Variants in ARHGAP15 observed in about 807,000 individuals in gnomAD.
ARHGAP15 encodes the protein Rho GTPase activating protein 15.
A neutral mutation model predicts 63.7 loss-of-function variants in ARHGAP15; 51 were observed. The ratio of observed to expected loss-of-function variants is 0.80; its 90% CI spans 0.64 to 1.01. The LOEUF (loss-of-function observed/expected upper bound fraction) is 1.01, where lower values mean the gene tolerates loss of function less well. Among genes scored for constraint, ARHGAP15 ranks in the 50% least tolerant of loss-of-function variants. The pLI is 0.00. For synonymous variants in ARHGAP15, 191 were observed against 193.8 expected (o/e 0.99, Z 0.12); for missense variants, 560 against 564.6 (o/e 0.99, Z 0.08).
At chr2:143,207,427 C>A (rs915312475) in intron 3 of ARHGAP15, among the ~76,000 whole-genome samples, 1 of 151,554 alleles carries the variant, frequency 6.6e-6, no homozygotes, top group Admixed American at 6.6e-5. Flanking sequence ...GCTGCATACC[C>A]GAATATTTTT....
intron 6 of ARHGAP15, among the ~76,000 whole-genome samples, chr2:143,358,391 T>C (rs1354369627): frequency 1.3e-5 from 2 of 152,050 alleles, no homozygotes; most frequent in Non-Finnish European, 2.9e-5. Context: ...AAGACATGAT[T>C]GAAAATGTGT....
intron 8 of ARHGAP15, among the ~76,000 whole-genome samples, chr2:143,439,258 A>G (rs1689754771): frequency 6.6e-6 from 1 of 151,810 alleles, no homozygotes; most frequent in South Asian, 2.1e-4. Flanking sequence ...CCCTGTCTCT[A>G]CTAAAAATAC....
chr2:143,416,820 CACCCCCCCACCCCCACGCCCCCA>C (rs1688703543), intron 6 of ARHGAP15, among the ~76,000 whole-genome samples: 1 of 50,264 alleles, frequency 2.0e-5, no homozygotes, highest in African/African-American at 7.0e-5. Context: ...CTTCCCCCAC[CACCCCCCCACCCCCACGCCCCCA>C]CGCCCCCACG....
chr2:143,585,589 T>C (rs1332913628), intron 11 of ARHGAP15, among the ~76,000 whole-genome samples: 1 of 152,136 alleles, frequency 6.6e-6, no homozygotes. Flanking sequence ...GAAAAAGAAA[T>C]TAAATGAACT....
chr2:143,187,391 G>T (rs932905662), intron 2 of ARHGAP15, among the ~76,000 whole-genome samples: 10 of 152,196 alleles, frequency 6.6e-5, no homozygotes, highest in Admixed American at 5.9e-4. Flanking sequence ...CTTAAGAGCA[G>T]AAGGGTATGG....
At chr2:143,562,764 G>A (rs547565671) in intron 11 of ARHGAP15, among the ~76,000 whole-genome samples, 2 of 152,254 alleles carry the variant, frequency 1.3e-5, no homozygotes, top group South Asian at 4.2e-4. Context: ...AGCATGTATT[G>A]TTTTCTAGCT....
At chr2:143,398,011 T>C (rs1286295741) in intron 6 of ARHGAP15, among the ~76,000 whole-genome samples, 1 of 152,132 alleles carries the variant, frequency 6.6e-6, no homozygotes, top group East Asian at 1.9e-4. Flanking sequence ...CTTTCTGCTT[T>C]TACTGAACTC....
At chr2:143,215,314 C>A (rs1692712932) in intron 3 of ARHGAP15, among the ~76,000 whole-genome samples, 1 of 152,100 alleles carries the variant, frequency 6.6e-6, no homozygotes, top group Non-Finnish European at 1.5e-5. Context: ...CTATTCTGCC[C>A]AGGCTGGTGT....
At chr2:143,579,284 C>T (rs187337494) in intron 11 of ARHGAP15, among the ~76,000 whole-genome samples, 54 of 152,246 alleles carry the variant, frequency 3.5e-4, no homozygotes, top group Admixed American at 8.5e-4. Flanking sequence ...TGTAAAGTTG[C>T]GATTAGTATT....
chr2:143,623,984 A>AG, intron 11 of ARHGAP15, 149 bp from the exon 12 acceptor site: 1 of 816,882 alleles, frequency 1.2e-6, no homozygotes, highest in South Asian at 2.3e-5. Context: ...GGAAAGAGGG[A>AG]GGAAAAAAAA....
intron 6 of ARHGAP15, among the ~76,000 whole-genome samples, chr2:143,263,941 T>G (rs1449479955): frequency 7.9e-6 from 1 of 126,526 alleles, no homozygotes; most frequent in Non-Finnish European, 1.6e-5. Context: ...TTTTTTTTTT[T>G]TTGTGCTCAC....
chr2:143,563,699 T>C (rs1395915707), intron 11 of ARHGAP15, among the ~76,000 whole-genome samples: 7 of 152,198 alleles, frequency 4.6e-5, no homozygotes, highest in Non-Finnish European at 1.0e-4. Context: ...CAAAATTCCA[T>C]CATGATCATC....
intron 12 of ARHGAP15, among the ~76,000 whole-genome samples, chr2:143,667,998 T>C (rs1418727539): frequency 6.6e-6 from 1 of 151,562 alleles, no homozygotes; most frequent in Non-Finnish European, 1.5e-5. Flanking sequence ...AAAAAATACA[T>C]ATATAAAAAT....
intron 2 of ARHGAP15, among the ~76,000 whole-genome samples, chr2:143,196,840 A>G (rs767741951): frequency 8.6e-5 from 13 of 151,974 alleles, no homozygotes; most frequent in Non-Finnish European, 1.5e-4. Flanking sequence ...ACATGCATAA[A>G]CATAATACAT....
At chr2:143,295,683 C>T (rs1000035401) in intron 6 of ARHGAP15, 1 of 151,932 alleles carries the variant, frequency 6.6e-6, no homozygotes, top group African/African-American at 2.4e-5. Context: ...TTTGTAGCAG[C>T]CGGTCTGTAA....
At chr2:143,449,951 G>T (rs1690329371) in intron 8 of ARHGAP15, among the ~76,000 whole-genome samples, 1 of 151,786 alleles carries the variant, frequency 6.6e-6, no homozygotes, top group African/African-American at 2.4e-5. Context: ...AATGAGACAG[G>T]TCTGAAAGAG....
chr2:143,440,099 T>C (rs1043087364), intron 8 of ARHGAP15, among the ~76,000 whole-genome samples: 7 of 152,158 alleles, frequency 4.6e-5, no homozygotes, highest in Non-Finnish European at 1.0e-4. Flanking sequence ...TATCCATCTA[T>C]TACTTTGAAT....
chr2:143,607,979 G>C (rs1404846408), intron 11 of ARHGAP15: 1 of 152,160 alleles, frequency 6.6e-6, no homozygotes, highest in Non-Finnish European at 1.5e-5. Flanking sequence ...TGCTGACATA[G>C]AGGCACCTTG....
At chr2:143,736,691 T>C (rs1685758853) in intron 13 of ARHGAP15, among the ~76,000 whole-genome samples, 1 of 152,220 alleles carries the variant, frequency 6.6e-6, no homozygotes, top group African/African-American at 2.4e-5. Context: ...TAACAGTTAC[T>C]ACTCTGTATA....
Sources: allele counts gnomAD v4.1 joint callset (sites outside exome capture counted in the v4.1 genomes callset), GRCh38; gene constraint gnomAD v4.1.1; transcripts MANE v1.5; gene names NCBI Gene and HGNC (gene_info 2026-07-23, HGNC 2026-07-21).